Variants in RPS6KA5 observed in about 807,000 individuals in gnomAD.
RPS6KA5 encodes the protein ribosomal protein S6 kinase A5.
Under a neutral mutation model 85.5 loss-of-function variants are expected in RPS6KA5, and 27 were observed. That is an observed-to-expected ratio of 0.32 (90% CI 0.23 to 0.44). The LOEUF is 0.44. Ranked by LOEUF, RPS6KA5 falls within the 20% of genes least tolerant of loss-of-function variation. The pLI is 1.00. For missense variants in RPS6KA5, 811 were observed against 980.9 expected (o/e 0.83, Z 2.31); for synonymous variants, 334 against 348.2 (o/e 0.96, Z 0.46).
intron 7 of RPS6KA5, among the ~76,000 whole-genome samples, chr14:90,907,205 A>G (rs1220030889): frequency 1.3e-5 from 2 of 152,232 alleles, no homozygotes; most frequent in East Asian, 1.9e-4. Context: ...AAGATTCCCT[A>G]TTGTGCATTA....
rs571804833 is a variant in RPS6KA5, at chr14:90,854,510, T to C, written c.*17564A>G. On this transcript the variant is annotated 3_prime_UTR_variant, in exon 17 of 17. Coordinates refer to ENST00000614987, the MANE Select transcript of RPS6KA5 (RefSeq NM_004755.4). ...GCGATTTTGCTAAATGTATCATCAT[T>C]AGAAAAAGTTTTCTGGATGTGTATA... is the stretch of plus-strand genomic sequence containing the variant. 3 of 152,342 alleles carry C rather than the reference T, an allele frequency of 2.0e-5. No homozygotes were observed. The highest frequency in any genetic ancestry group is 4.1e-4 in the South Asian group (2 of 4,830). The allele number at this position is 152,342 out of a possible 1,614,324, so 9.4% of individuals were successfully genotyped here. A position where few individuals can be genotyped will look rare whatever the true frequency, so the allele number is the denominator to read the frequency against.
In RPS6KA5 at chr14:90,866,866, T is replaced by G. The variant is rs377720517; in HGVS notation, c.*5208A>C. On this transcript the variant is annotated 3_prime_UTR_variant, in exon 17 of 17. Transcript: ENST00000614987. Reference sequence around the variant, plus strand: ...AGCACCTTTAAATTTCTGTTTTTATTCAGCCAAAGAATGAGAATTATTGTA... The same window carrying G: ...AGCACCTTTAAATTTCTGTTTTTATGCAGCCAAAGAATGAGAATTATTGTA... 6.6e-6 allele frequency: 1 copy of G among 152,344 alleles called. No homozygotes were observed. The highest frequency in any genetic ancestry group is 1.9e-4 in the East Asian group (1 of 5,194). The allele number at this position is 152,344 out of a possible 1,614,324, so 9.4% of individuals were successfully genotyped here. A position where few individuals can be genotyped will look rare whatever the true frequency, so the allele number is the denominator to read the frequency against.
At chr14:91,009,774 G>T (rs1383287804) in intron 1 of RPS6KA5, among the ~76,000 whole-genome samples, 1 of 152,138 alleles carries the variant, frequency 6.6e-6, no homozygotes, top group Non-Finnish European at 1.5e-5. Flanking sequence ...GAGACATCAT[G>T]CACAGAGTTA....
intron 2 of RPS6KA5, among the ~76,000 whole-genome samples, chr14:90,999,915 C>T (rs73326585): frequency 0.15 from 22,644 of 152,090 alleles, 1,817 homozygotes; most frequent in East Asian, 0.31. Context: ...ATGTAAAATC[C>T]CGCTACCACT....
Position 90,872,005 on chromosome 14 carries a change from A to G in RPS6KA5, c.*69T>C. 1.3e-6 allele frequency: 2 copies of G among 1,519,348 alleles called. No individual in the cohort carries two copies. Among genetic ancestry groups the G allele is most frequent in the Non-Finnish European group, 1.8e-6 (2 of 1,133,978 alleles). The allele number at this position is 1,519,348 out of a possible 1,614,324, so 94.1% of individuals were successfully genotyped here. On this transcript the variant is annotated 3_prime_UTR_variant, in exon 17 of 17. Coordinates refer to ENST00000614987, the MANE Select transcript of RPS6KA5 (RefSeq NM_004755.4). Reference sequence around the variant, plus strand: ...CAACGGGAAACATTTTTAAAAGCATAAAAGATCGCCTCAGGCATATGCTGA... The same window carrying G: ...CAACGGGAAACATTTTTAAAAGCATGAAAGATCGCCTCAGGCATATGCTGA...
At chr14:90,975,035 T>C (rs1279776497) in intron 3 of RPS6KA5, among the ~76,000 whole-genome samples, 1 of 152,102 alleles carries the variant, frequency 6.6e-6, no homozygotes, top group Non-Finnish European at 1.5e-5. Context: ...CAAAAAGACC[T>C]AGAAGAATAT....
chr14:90,954,586 G>T (rs540526886), intron 3 of RPS6KA5, among the ~76,000 whole-genome samples: 3 of 152,052 alleles, frequency 2.0e-5, no homozygotes, highest in Admixed American at 6.6e-5. Context: ...GTTAATTTTT[G>T]TATTTTTAGT....
At chr14:90,955,241 G>C (rs551858961) in intron 3 of RPS6KA5, among the ~76,000 whole-genome samples, 1 of 152,196 alleles carries the variant, frequency 6.6e-6, no homozygotes, top group East Asian at 1.9e-4. Context: ...AGTATGTAGT[G>C]TCTTCATTGT....
chr14:91,059,030 A>C (rs1417752834), intron 1 of RPS6KA5, among the ~76,000 whole-genome samples: 2 of 152,174 alleles, frequency 1.3e-5, no homozygotes, highest in African/African-American at 4.8e-5. Context: ...GTGCCTTCAC[A>C]ATTAAATAAT....
intron 2 of RPS6KA5, among the ~76,000 whole-genome samples, chr14:90,993,944 A>G (rs1346192237): frequency 4.0e-5 from 6 of 151,330 alleles, no homozygotes; most frequent in African/African-American, 1.5e-4. Context: ...GCTGGAGTGT[A>G]GTGATGTGAT....
chr14:90,923,606 T>A (rs561794115), intron 5 of RPS6KA5, among the ~76,000 whole-genome samples: 1 of 152,130 alleles, frequency 6.6e-6, no homozygotes, highest in African/African-American at 2.4e-5. Context: ...TTAGTATGAA[T>A]GACTTTATTA....
At chr14:91,003,632 T>A (rs1405403863) in intron 1 of RPS6KA5, among the ~76,000 whole-genome samples, 3 of 152,226 alleles carry the variant, frequency 2.0e-5, no homozygotes, top group Non-Finnish European at 4.4e-5. Context: ...CAAGGTATGT[T>A]CTCTTTGGCT....
intron 1 of RPS6KA5, among the ~76,000 whole-genome samples, chr14:91,056,867 CTTTTTTTTTT>C (rs34807092): frequency 2.3e-4 from 9 of 38,850 alleles, no homozygotes; most frequent in South Asian, 3.2e-3. Context: ...GCAGTATTAT[CTTTTTTTTTT>C]TTTTTTTTTT....
At position 91,008,483 on chromosome 14, in the gene RPS6KA5, C is replaced by T. The variant is rs138006380; in HGVS notation, c.104-7324G>A. On this transcript the variant is annotated intron_variant, in intron 1 of 16. Coordinates refer to ENST00000614987, the MANE Select transcript of RPS6KA5 (RefSeq NM_004755.4). ...CATTGAGAATACAGGTCCCCATTTA[C>T]TCAACAGTCAAGAGTGCCTACTAAA... Among the ~76,000 whole-genome samples the T allele has an allele frequency of 3.3e-4, 51 of 152,300 alleles. 1 individual carries two copies. The East Asian group carries it at 3.5e-3, about 10-fold the overall frequency.
intron 10 of RPS6KA5, 86 bp from the exon 11 acceptor site, chr14:90,900,327 T>C (rs947292335): frequency 1.3e-5 from 12 of 929,042 alleles, no homozygotes; most frequent in East Asian, 6.0e-5. Flanking sequence ...AATAAAATTA[T>C]TAATATTAAT....
chr14:90,997,673 C>G (rs2040588693), intron 2 of RPS6KA5, among the ~76,000 whole-genome samples: 1 of 152,058 alleles, frequency 6.6e-6, no homozygotes, highest in African/African-American at 2.4e-5. Flanking sequence ...AACAGAGAAA[C>G]AAAATGTGGT....
rs561197658 is a variant in RPS6KA5, at chr14:90,912,055, C to A, written c.807-5756G>T. 2.0e-5 allele frequency among the ~76,000 whole-genome samples: 3 copies of A among 152,238 alleles called. No individual in the cohort carries two copies. The East Asian group carries it at 5.8e-4, about 29-fold the overall frequency. ...ATCTCCATCATGAATGCTTCCCTGA[C>A]AGCCCACCCCCAGGGAACCAAACCT... On this transcript the variant is annotated intron_variant, in intron 7 of 16. Transcript: ENST00000614987.
At chr14:91,053,370 G>A (rs2043173553) in intron 1 of RPS6KA5, among the ~76,000 whole-genome samples, 1 of 152,176 alleles carries the variant, frequency 6.6e-6, no homozygotes, top group Non-Finnish European at 1.5e-5. Context: ...AATTAAGCAG[G>A]AAATTGAAAC....
chr14:91,046,831 T>C (rs2042893912), intron 1 of RPS6KA5, among the ~76,000 whole-genome samples: 1 of 152,186 alleles, frequency 6.6e-6, no homozygotes, highest in Admixed American at 6.5e-5. Context: ...CTTCTCTTTT[T>C]CAAAGAAATA....
Sources: gnomAD v4.1 joint callset for allele counts (sites outside exome capture counted in the v4.1 genomes callset) on GRCh38, gnomAD v4.1.1 for gene constraint, MANE v1.5 for transcripts, NCBI Gene and HGNC (gene_info 2026-07-23, HGNC 2026-07-21) for gene names.